MED13: variants seen among roughly 807,000 people sequenced by gnomAD.
MED13 encodes mediator of RNA polymerase II transcription subunit 13.
In MED13, 23 loss-of-function variants were observed where a neutral mutation model predicts 225.2. That is an observed-to-expected ratio of 0.10 (90% confidence interval 0.07 to 0.14). The LOEUF (loss-of-function observed/expected upper bound fraction) is 0.14, where lower values mean the gene tolerates loss of function less well. MED13 is among the 10% of genes least tolerant of loss of function. The pLI, the probability that MED13 is intolerant of heterozygous loss-of-function variation, is 1.00. For synonymous variants in MED13, 942 were observed against 889.2 expected, an observed-to-expected ratio of 1.06 and a Z score of -1.06; for missense variants, 2,197 against 2,594.5, an observed-to-expected ratio of 0.85 and a Z score of 3.33.
chr17:61,946,327 G>T lies in MED13; in HGVS notation c.*141C>A. 1 of 1,032,070 alleles carries T rather than the reference G, an allele frequency of 9.7e-7. No homozygotes were observed. Among genetic ancestry groups the T allele is most frequent in the Non-Finnish European group, 1.4e-6 (1 of 730,466 alleles). The allele number at this position is 1,032,070 out of a possible 1,614,324, so 63.9% of individuals were successfully genotyped here. The stretch of plus-strand genomic sequence containing the variant: ...GCAGGGTTATAGCCCCTCCCCCCAA[G>T]TCAAAACAATATTTGTTGAAGTAAT... On this transcript the variant is annotated 3_prime_UTR_variant, in exon 30 of 30. Coordinates refer to ENST00000397786, the MANE Select transcript of MED13 (RefSeq NM_005121.3).
At chr17:61,964,829 G>A (rs1380248269) in intron 20 of MED13, among the ~76,000 whole-genome samples, 177 bp downstream of exon 20, 1 of 152,072 alleles carries the variant, frequency 6.6e-6, no homozygotes, top group Non-Finnish European at 1.5e-5. Context: ...CCAGCTACTA[G>A]GGAGGCTGAG....
At chr17:61,965,526 A>T in intron 19 of MED13, 58 bp from the exon 20 acceptor site, 2 of 1,457,408 alleles carry the variant, frequency 1.4e-6, no homozygotes, top group Non-Finnish European at 9.3e-7. Flanking sequence ...TGGTTTTTTT[A>T]AATTCTACTG....
In MED13 at chr17:61,968,271, G is replaced by A. The variant is rs776770997; in HGVS notation, c.3968-13C>T. 6.4e-7 allele frequency: 1 copy of A among 1,568,364 alleles called. No individual in the cohort carries two copies. The highest frequency in any genetic ancestry group is 1.4e-5 in the African/African-American group (1 of 73,388). ...GATTCATCAGTTCCTAAATAAGAAA[G>A]ATGTATTTTAAGAAAACACTTAAAA... On this transcript the variant is annotated splice_polypyrimidine_tract_variant and intron_variant, in intron 17 of 29. Transcript: ENST00000397786.
intron 3 of MED13, among the ~76,000 whole-genome samples, chr17:62,046,882 G>T (rs920647240): frequency 2.6e-4 from 39 of 151,098 alleles, no homozygotes; most frequent in Admixed American, 2.5e-3. Flanking sequence ...TTAAGACAGG[G>T]TCTTGCTCTG....
intron 21 of MED13, 22 bp from the exon 22 acceptor site, chr17:61,961,801 T>C: frequency 6.3e-7 from 1 of 1,598,280 alleles, no homozygotes; most frequent in Non-Finnish European, 8.5e-7. Context: ...AGGCAAATAT[T>C]ACAAATGTTA....
At chr17:61,993,369 T>C (rs2080319023) in intron 10 of MED13, among the ~76,000 whole-genome samples, 1 of 151,344 alleles carries the variant, frequency 6.6e-6, no homozygotes, top group African/African-American at 2.4e-5. Context: ...ACCTGGCTAA[T>C]TTTTGTATTT....
chr17:61,983,106 C>A lies in MED13; in HGVS notation c.2897G>T (p.Ser966Ile). 1 of 1,600,442 alleles carries A rather than the reference C, an allele frequency of 6.2e-7. No homozygotes were observed. ...AGTGCCATATTCTTGATCCATATTA[C>A]TTCCATCACTATCATCACCAGGGTA... is the stretch of plus-strand genomic sequence containing the variant. ...SMPFIKEGDGSNMDQEYGTAY... is the reference protein window; with the variant it reads ...SMPFIKEGDGINMDQEYGTAY... Residue 966 changes from serine (S) to isoleucine (I), a missense_variant, in exon 16 of 30, where the codon AGT becomes ATT. Transcript: ENST00000397786.
Position 61,946,450 on chromosome 17 carries a change from A to G in MED13, c.*18T>C, listed in dbSNP as rs1485065570. On this transcript the variant is annotated 3_prime_UTR_variant, in exon 30 of 30. Coordinates refer to ENST00000397786, the MANE Select transcript of MED13 (RefSeq NM_005121.3). ...ATTTTTCCTTGTTCTTTTCTTGCAC[A>G]GTTCCATCAAATGAAGATCACAGCA... is the stretch of plus-strand genomic sequence containing the variant. 2.5e-6 allele frequency: 4 copies of G among 1,610,026 alleles called. No individual in the cohort carries two copies. The South Asian group carries it at 4.4e-5, about 18-fold the overall frequency.
chr17:62,043,504 C>T (rs1477862649), intron 3 of MED13, among the ~76,000 whole-genome samples: 2 of 152,118 alleles, frequency 1.3e-5, no homozygotes, highest in African/African-American at 2.4e-5. Context: ...ATTCTTCTTG[C>T]CTTTGAGATT....
chr17:61,968,359 T>C (rs933311453), intron 17 of MED13, 101 bp from the exon 18 acceptor site: 3 of 895,000 alleles, frequency 3.4e-6, no homozygotes, highest in Non-Finnish European at 4.6e-6. Context: ...AGAGTCTCGC[T>C]CTGTCGCCCA....
At chr17:62,062,704 G>A (rs2081050803) in intron 2 of MED13, among the ~76,000 whole-genome samples, 1 of 152,058 alleles carries the variant, frequency 6.6e-6, no homozygotes, top group Admixed American at 6.6e-5. Context: ...AGTGGCTGAA[G>A]TGACTCAAAA....
intron 9 of MED13, among the ~76,000 whole-genome samples, chr17:62,000,122 A>G (rs932809138): frequency 6.6e-6 from 1 of 152,138 alleles, no homozygotes; most frequent in Admixed American, 6.6e-5. Flanking sequence ...CTAACCCACT[A>G]CTATGGAAGG....
intron 3 of MED13, among the ~76,000 whole-genome samples, chr17:62,050,319 T>C (rs919703677): frequency 2.7e-5 from 4 of 149,298 alleles, no homozygotes; most frequent in African/African-American, 4.9e-5. Context: ...GATCATACCA[T>C]TGCGCTCCAG....
intron 18 of MED13, among the ~76,000 whole-genome samples, chr17:61,967,801 T>C (rs1369424928): frequency 2.0e-5 from 3 of 152,188 alleles, no homozygotes; most frequent in Non-Finnish European, 4.4e-5. Flanking sequence ...TATATATCTA[T>C]ATGCCCTCAA....
In MED13 at chr17:62,015,958, T is replaced by TATA. The variant is rs2080574439; in HGVS notation, c.1284-4726_1284-4725insTAT. On this transcript the variant is annotated intron_variant, in intron 8 of 29. Coordinates refer to ENST00000397786, the MANE Select transcript of MED13 (RefSeq NM_005121.3). Reference sequence around the variant, plus strand: ...TATATATATATATATATATATATTTTTTTTTTTTTTTTTTTTTTTTTTTTT... The same window carrying TATA: ...TATATATATATATATATATATATTTTATATTTTTTTTTTTTTTTTTTTTTTTTT... Among the ~76,000 whole-genome samples the TATA allele has an allele frequency of 1.3e-3, 8 of 6,192 alleles. No homozygotes were observed. In the East Asian group the frequency reaches 0.031, roughly 24 times the overall value. 4.1% of individuals were successfully genotyped at this position (6,192 alleles called of 152,430 possible). A position where few individuals can be genotyped will look rare whatever the true frequency, so the allele number is the denominator to read the frequency against.
At chr17:61,987,674 A>T (rs1010589364) in intron 11 of MED13, among the ~76,000 whole-genome samples, 1 of 152,240 alleles carries the variant, frequency 6.6e-6, no homozygotes, top group Non-Finnish European at 1.5e-5. Flanking sequence ...AGTACTCTAC[A>T]TGAATAATTA....
intron 2 of MED13, among the ~76,000 whole-genome samples, chr17:62,060,722 C>CA (rs1294668474): frequency 6.7e-6 from 1 of 148,238 alleles, no homozygotes; most frequent in Non-Finnish European, 1.5e-5. Context: ...TTTTTTGAGA[C>CA]AGAGTCTCAC....
At position 61,962,984 on chromosome 17, in the gene MED13, G is replaced by A. The variant is rs768163989; in HGVS notation, c.4845-13C>T. Reference sequence around the variant, plus strand: ...CCGATCCATCGTGCTAAAATTTAAGGTAGAAATGAGACAAAAAGTTGTACT... The same window carrying A: ...CCGATCCATCGTGCTAAAATTTAAGATAGAAATGAGACAAAAAGTTGTACT... On this transcript the variant is annotated splice_polypyrimidine_tract_variant and intron_variant, in intron 20 of 29. Coordinates refer to ENST00000397786, the MANE Select transcript of MED13 (RefSeq NM_005121.3). The A allele has an allele frequency of 5.6e-6, 9 of 1,612,310 alleles. No individual in the cohort carries two copies. In the Admixed American group the frequency reaches 1.5e-4, roughly 27 times the overall value.
chr17:61,995,482 CT>C (rs2143520349), intron 9 of MED13, 117 bp from the exon 10 acceptor site: 1 of 638,948 alleles, frequency 1.6e-6, no homozygotes, highest in South Asian at 2.8e-5. Context: ...CCTACAATCC[CT>C]TATTTCAGAA....
Sources: allele counts gnomAD v4.1 joint callset (sites outside exome capture counted in the v4.1 genomes callset), GRCh38; gene constraint gnomAD v4.1.1; transcripts MANE v1.5; gene names NCBI Gene and HGNC (gene_info 2026-07-23, HGNC 2026-07-21).